The following CD8A variants were observed in gnomAD, a reference collection of about 807,000 sequenced individuals.
CD8A encodes T-cell surface glycoprotein CD8 alpha chain.
In CD8A, 25 loss-of-function variants were observed where a neutral mutation model predicts 24.2. The observed-to-expected ratio is 1.03, with a 90% CI of 0.75 to 1.44. The LOEUF (loss-of-function observed/expected upper bound fraction) is 1.44, where lower values mean the gene tolerates loss of function less well. Among genes scored for constraint, CD8A ranks in the 40% most tolerant of loss-of-function variants. The pLI is 0.00. For missense variants in CD8A, 360 were observed against 319.7 expected (o/e 1.13, Z -0.96); for synonymous variants, 165 against 149.9 (o/e 1.10, Z -0.74).
chr2:86,802,221 A>G (rs1406656960), intron 2 of CD8A, among the ~76,000 whole-genome samples: 1 of 152,050 alleles, frequency 6.6e-6, no homozygotes, highest in Non-Finnish European at 1.5e-5. Context: ...TATTTTTAGT[A>G]GAGACAGGAT....
At chr2:86,787,869 G>A (rs1673081182) in intron 5 of CD8A, among the ~76,000 whole-genome samples, 1 of 146,974 alleles carries the variant, frequency 6.8e-6, no homozygotes, top group African/African-American at 2.5e-5. Flanking sequence ...GTGGAGAGAG[G>A]TTTTTAACAG....
chr2:86,789,994 T>G (rs959215179), intron 2 of CD8A, among the ~76,000 whole-genome samples: 2 of 152,128 alleles, frequency 1.3e-5, no homozygotes, highest in African/African-American at 4.8e-5. Flanking sequence ...GCACCTGGCC[T>G]CTCTCCCGGG....
chr2:86,791,120 G>T, upstream of CD8A: 3 of 673,350 alleles, frequency 4.5e-6, no homozygotes, highest in Admixed American at 2.1e-5. Flanking sequence ...ATGAGGAAAA[G>T]GGCTTGGAAA....
rs36227195 is a variant in CD8A at position 86,790,899 on chromosome 2, C to G, written c.-74G>C. The stretch of plus-strand genomic sequence containing the variant: ...AGGCGCGCGGGAGCCGGTGGGGCGC[C>G]GAGGGGGGAAAGTTGCGCCCTTCGG... On this transcript the variant is annotated 5_prime_UTR_variant, in exon 1 of 6. Transcript: ENST00000283635. 3.8e-3 allele frequency: 5,322 copies of G among 1,416,462 alleles called. 39 individuals are homozygous for G. Among genetic ancestry groups the G allele is most frequent in the Non-Finnish European group, 3.4e-3 (3,539 of 1,038,312 alleles). The allele number at this position is 1,416,462 out of a possible 1,614,324, so 87.7% of individuals were successfully genotyped here.
rs368425695 is a variant in CD8A at position 86,790,342 on chromosome 2, G to C, written c.389C>G (p.Pro130Arg). ...GGCGCGCGGACCTGGCAGGAAGACCGGCACGAAGTGGCTGAAGTACATGAT... is the reference window on the plus strand; with the variant it reads ...GGCGCGCGGACCTGGCAGGAAGACCCGCACGAAGTGGCTGAAGTACATGAT... ...NSIMYFSHFV[P>R]VFLPAKPTTT... Residue 130 changes from proline (P) to arginine (R), a missense_variant, in exon 2 of 6, where the codon CCG (proline) becomes CGG (arginine). Coordinates refer to ENST00000283635, the MANE Select transcript of CD8A (RefSeq NM_001768.7). 2.5e-5 allele frequency: 41 copies of C among 1,613,348 alleles called. No homozygotes were observed. The highest frequency in any genetic ancestry group is 1.6e-4 in the East Asian group (7 of 44,890).
chr2:86,796,423 G>C (rs1673485230), intron 3 of CD8A, among the ~76,000 whole-genome samples: 1 of 152,158 alleles, frequency 6.6e-6, no homozygotes, highest in African/African-American at 2.4e-5. Flanking sequence ...TAAACATCAA[G>C]AGTAAAGAGA....
upstream of CD8A, chr2:86,790,945 G>T: frequency 1.0e-6 from 1 of 962,712 alleles, no homozygotes; most frequent in Non-Finnish European, 1.6e-6. Context: ...GCCTGATTTC[G>T]CATTTGGAGG....
Position 86,805,067 on chromosome 2 carries a change from T to C in CD8A, c.-418+2380A>G, listed in dbSNP as rs570732661. On this transcript the variant is annotated intron_variant, in intron 2 of 8. Transcript: ENST00000409511. Reference sequence around the variant, plus strand: ...ATCCACCTGCCTAAGCCTTCCTAAGTGTTGGGATTACAGGCATGAGCCACC... The same window carrying C: ...ATCCACCTGCCTAAGCCTTCCTAAGCGTTGGGATTACAGGCATGAGCCACC... Among the ~76,000 whole-genome samples, 21 of 151,836 alleles carry C rather than the reference T, an allele frequency of 1.4e-4. No individual in the cohort carries two copies. The South Asian group carries it at 4.2e-3, about 30-fold the overall frequency.
At chr2:86,805,036 C>G (rs1301138688) in intron 2 of CD8A, among the ~76,000 whole-genome samples, 2 of 151,666 alleles carry the variant, frequency 1.3e-5, no homozygotes, top group Admixed American at 6.6e-5. Context: ...CTCCTGACCT[C>G]AAGTGATCCA....
chr2:86,806,391 C>T lies in CD8A; in HGVS notation c.-418+1056G>A, dbSNP rs559965194. Among the ~76,000 whole-genome samples the T allele has an allele frequency of 2.0e-5, 3 of 152,358 alleles. No homozygotes were observed. In the South Asian group the frequency reaches 6.2e-4, roughly 32 times the overall value. Reference sequence around the variant, plus strand: ...ACCTGGAAAAAGGAAGGAAAGACCACGGCAAGGAAAGTCAAGAAGTGGGAG... The same window carrying T: ...ACCTGGAAAAAGGAAGGAAAGACCATGGCAAGGAAAGTCAAGAAGTGGGAG... On this transcript the variant is annotated intron_variant, in intron 2 of 8. Coordinates refer to the CD8A transcript ENST00000409511.
chr2:86,785,756 A>G lies in CD8A; in HGVS notation c.*164T>C, dbSNP rs1672972918. 3.9e-6 allele frequency: 3 copies of G among 776,236 alleles called. No homozygotes were observed. Among genetic ancestry groups the G allele is most frequent in the Non-Finnish European group, 7.1e-6 (3 of 419,780 alleles). The allele number at this position is 776,236 out of a possible 1,614,324, so 48.1% of individuals were successfully genotyped here. On this transcript the variant is annotated 3_prime_UTR_variant, in exon 6 of 6. Coordinates refer to ENST00000283635, the MANE Select transcript of CD8A (RefSeq NM_001768.7). The stretch of plus-strand genomic sequence containing the variant: ...ATTTTACCTAGTTTTGTTTCCCGTC[A>G]AACACATAAAGAAAAAGTAATCTTT...
chr2:86,797,300 T>C (rs988396460), intron 3 of CD8A, among the ~76,000 whole-genome samples: 2 of 151,956 alleles, frequency 1.3e-5, no homozygotes, highest in Non-Finnish European at 2.9e-5. Flanking sequence ...CAGAAGAGTA[T>C]ATGGAACCTT....
chr2:86,789,171 T>A (rs1673153761), intron 4 of CD8A, 152 bp downstream of exon 4: 1 of 703,692 alleles, frequency 1.4e-6, no homozygotes, highest in South Asian at 1.5e-5. Flanking sequence ...GCATTCTATC[T>A]CCCAGAAAGA....
At chr2:86,807,813 CGCAGGG>C (rs890041490) in intron 1 of CD8A, 1 of 149,460 alleles carries the variant, frequency 6.7e-6, no homozygotes, top group African/African-American at 2.5e-5. Flanking sequence ...GTGTGGTGGG[CGCAGGG>C]GCAGGGAGCT....
intron 3 of CD8A, among the ~76,000 whole-genome samples, chr2:86,798,178 CTTT>C (rs1215491737): frequency 2.1e-5 from 3 of 142,834 alleles, no homozygotes; most frequent in Admixed American, 7.0e-5. Flanking sequence ...AGCTTTCTTT[CTTT>C]TTTTTTTTTT....
chr2:86,786,887 G>A (rs2104428496), intron 5 of CD8A, among the ~76,000 whole-genome samples: 1 of 151,272 alleles, frequency 6.6e-6, no homozygotes, highest in Middle Eastern at 3.4e-3. Context: ...GGGTGTTGTG[G>A]CGGGTGCCTG....
intron 5 of CD8A, among the ~76,000 whole-genome samples, chr2:86,787,019 C>CAAAAAAAAAAAAAAA (rs745778659): frequency 2.2e-4 from 8 of 36,554 alleles, no homozygotes; most frequent in African/African-American, 8.7e-4. Flanking sequence ...GACTCCGTCT[C>CAAAAAAAAAAAAAAA]AAAAAAAAAA....
rs375716983 is a variant in CD8A at position 86,788,245 on chromosome 2, G to GTAT, written c.656+284_656+285insATA. ...AGGATAAATTGGGGGAATCCCTCAG[G>GTAT]TTTTTTTTTTTTTTTTTTGGAAGTG... On this transcript the variant is annotated intron_variant, in intron 5 of 5. Transcript: ENST00000283635. Among the ~76,000 whole-genome samples, 4 of 127,110 alleles carry GTAT rather than the reference G, an allele frequency of 3.1e-5. 1 individual carries two copies. The highest frequency in any genetic ancestry group is 1.2e-4 in the African/African-American group (4 of 32,854). 83.4% of individuals were successfully genotyped at this position (127,110 alleles called of 152,430 possible).
At chr2:86,788,757 T>G (rs1279271054) in intron 4 of CD8A, among the ~76,000 whole-genome samples, 197 bp from the exon 5 acceptor site, 1 of 152,164 alleles carries the variant, frequency 6.6e-6, no homozygotes, top group African/African-American at 2.4e-5. Flanking sequence ...TCCTTTCCCC[T>G]ATTTCTTTGA....
Sources: gnomAD v4.1 joint callset for allele counts (sites outside exome capture counted in the v4.1 genomes callset) on GRCh38, gnomAD v4.1.1 for gene constraint, MANE v1.5 for transcripts, NCBI Gene and HGNC (gene_info 2026-07-23, HGNC 2026-07-21) for gene names.